The following PPP6R3 variants were observed in gnomAD, a reference collection of about 807,000 sequenced individuals.
PPP6R3 encodes protein phosphatase 6 regulatory subunit 3.
Under a neutral mutation model 110.7 loss-of-function variants are expected in PPP6R3, and 38 were observed. That is an observed-to-expected ratio of 0.34 (90% CI 0.26 to 0.45). PPP6R3 has a LOEUF of 0.45. Ranked by LOEUF, PPP6R3 falls within the 20% of genes least tolerant of loss-of-function variation. The pLI, the probability that PPP6R3 is intolerant of heterozygous loss-of-function variation, is 1.00. For synonymous variants in PPP6R3, 369 were observed against 373.5 expected (o/e 0.99, Z 0.14); for missense variants, 870 against 1,062.4 (o/e 0.82, Z 2.52).
At chr11:68,490,019 A>C (rs1242256437) in intron 1 of PPP6R3, among the ~76,000 whole-genome samples, 1 of 152,210 alleles carries the variant, frequency 6.6e-6, no homozygotes, top group South Asian at 2.1e-4. Context: ...TTTAATTAAG[A>C]ATAAGAAAAA....
chr11:68,469,214 A>G (rs969824898), intron 1 of PPP6R3, among the ~76,000 whole-genome samples: 1 of 152,216 alleles, frequency 6.6e-6, no homozygotes, highest in Non-Finnish European at 1.5e-5. Context: ...CTGTCTTCCA[A>G]TAGGACTTTA....
intron 4 of PPP6R3, among the ~76,000 whole-genome samples, chr11:68,546,157 A>C (rs755196713): frequency 1.8e-4 from 28 of 152,226 alleles, no homozygotes; most frequent in Non-Finnish European, 3.4e-4. Context: ...GTTGATTGGA[A>C]ATGAGATTCT....
At chr11:68,554,283 C>A (rs1490396002) in intron 7 of PPP6R3, 26 bp downstream of exon 7, 1 of 1,524,416 alleles carries the variant, frequency 6.6e-7, no homozygotes, top group Non-Finnish European at 9.0e-7. Flanking sequence ...TGTTCTTGTT[C>A]TTCTTTCATA....
intron 5 of PPP6R3, among the ~76,000 whole-genome samples, chr11:68,549,354 G>A (rs1280359896): frequency 6.6e-6 from 1 of 152,226 alleles, no homozygotes; most frequent in Non-Finnish European, 1.5e-5. Flanking sequence ...GAGGGCCTAT[G>A]AGGAGGAAGG....
In PPP6R3 at chr11:68,574,196, C is replaced by G. The variant is rs547274603; in HGVS notation, c.1431C>G (p.Asn477Lys). 2.4e-5 allele frequency: 39 copies of G among 1,613,896 alleles called. No individual in the cohort carries two copies. The highest frequency in any genetic ancestry group is 3.0e-5 in the Non-Finnish European group (35 of 1,179,784). The stretch of plus-strand genomic sequence containing the variant: ...TGCACAGCACTGACAAGGGCCCCAA[C>G]AGTGCATTAGTGCAGCAGCTTATCA... Reference protein sequence around the residue: ...CIVHSTDKGPNSALVQQLIKD... With the variant: ...CIVHSTDKGPKSALVQQLIKD... Residue 477 changes from asparagine (N) to lysine (K), a missense_variant, in exon 13 of 24, where the codon AAC (asparagine) becomes AAG (lysine). Physicochemically the swap from Asn to Lys is moderately conservative, Grantham distance 94. Coordinates refer to ENST00000393800, the MANE Select transcript of PPP6R3 (RefSeq NM_001164161.2).
At chr11:68,493,380 A>G (rs2098995438) in intron 1 of PPP6R3, among the ~76,000 whole-genome samples, 1 of 151,980 alleles carries the variant, frequency 6.6e-6, no homozygotes, top group Non-Finnish European at 1.5e-5. Flanking sequence ...CCTCTATTTC[A>G]TAAATTTTTA....
At chr11:68,480,425 A>G (rs2098898315) in intron 1 of PPP6R3, among the ~76,000 whole-genome samples, 1 of 152,260 alleles carries the variant, frequency 6.6e-6, no homozygotes, top group African/African-American at 2.4e-5. Context: ...GGTATTTACC[A>G]AAGAACAGAA....
intron 1 of PPP6R3, among the ~76,000 whole-genome samples, chr11:68,496,795 GTGT>G (rs941107931): frequency 3.1e-4 from 46 of 146,450 alleles, no homozygotes; most frequent in African/African-American, 1.1e-3. Context: ...TTTTAAAATT[GTGT>G]TGTTTGTCTT....
At chr11:68,494,874 T>G (rs543800547) in intron 1 of PPP6R3, among the ~76,000 whole-genome samples, 4 of 152,340 alleles carry the variant, frequency 2.6e-5, no homozygotes, top group African/African-American at 9.6e-5. Context: ...ATTTTATGTT[T>G]GTTTTTACAA....
intron 2 of PPP6R3, among the ~76,000 whole-genome samples, chr11:68,529,166 A>G (rs1179068587): frequency 1.3e-5 from 2 of 152,148 alleles, no homozygotes; most frequent in African/African-American, 2.4e-5. Flanking sequence ...TATATTTTGA[A>G]TTAGCTTATA....
chr11:68,461,476 G>C (rs572101725), intron 1 of PPP6R3, among the ~76,000 whole-genome samples: 3 of 129,756 alleles, frequency 2.3e-5, no homozygotes, highest in South Asian at 2.9e-4. Flanking sequence ...TGCCTCCCTG[G>C]TGTATTTGAG....
At chr11:68,472,388 C>T (rs1215203344) in intron 1 of PPP6R3, among the ~76,000 whole-genome samples, 3 of 152,150 alleles carry the variant, frequency 2.0e-5, no homozygotes, top group South Asian at 2.1e-4. Flanking sequence ...TAAGAAGGAA[C>T]GCTGCCTTAA....
intron 1 of PPP6R3, among the ~76,000 whole-genome samples, chr11:68,472,234 A>G (rs1333859476): frequency 1.3e-5 from 2 of 152,196 alleles, no homozygotes; most frequent in Non-Finnish European, 2.9e-5. Flanking sequence ...AAAGCCGGGA[A>G]GGGAAGGCGT....
intron 6 of PPP6R3, among the ~76,000 whole-genome samples, chr11:68,552,424 T>C (rs952771524): frequency 9.9e-5 from 15 of 152,236 alleles, no homozygotes; most frequent in Admixed American, 9.2e-4. Flanking sequence ...ACCTGGACTT[T>C]ATTAAAGGGA....
chr11:68,477,740 A>AT (rs1565284156), intron 1 of PPP6R3, among the ~76,000 whole-genome samples: 907 of 70,416 alleles, frequency 0.013, 4 homozygotes, highest in Middle Eastern at 0.021. Context: ...AAAAAAAAAA[A>AT]AATATATATA....
At chr11:68,538,336 C>T (rs1485157193) in intron 3 of PPP6R3, among the ~76,000 whole-genome samples, 1 of 152,130 alleles carries the variant, frequency 6.6e-6, no homozygotes, top group Non-Finnish European at 1.5e-5. Context: ...TGGGTAACTA[C>T]AGTGGATTTT....
chr11:68,506,445 A>AAAAAAAG (rs1565481098), intron 1 of PPP6R3, among the ~76,000 whole-genome samples: 1 of 145,622 alleles, frequency 6.9e-6, no homozygotes, highest in African/African-American at 2.5e-5. Flanking sequence ...AAAAAAAAAA[A>AAAAAAAG]AAATTCCTAA....
intron 1 of PPP6R3, among the ~76,000 whole-genome samples, chr11:68,506,242 A>G (rs1430076398): frequency 6.6e-6 from 1 of 151,004 alleles, no homozygotes; most frequent in Non-Finnish European, 1.5e-5. Context: ...AATAGCTGGG[A>G]CTATAGGCAT....
At position 68,613,882 on chromosome 11, in the gene PPP6R3, T is replaced by C; in HGVS notation, c.*765T>C. ...AACACTAGACTATTTGGAGTGTATA[T>C]GGCTTGTGTTTTGGGATTTTTTTTT... On this transcript the variant is annotated 3_prime_UTR_variant, in exon 24 of 24. Coordinates refer to ENST00000393800, the MANE Select transcript of PPP6R3 (RefSeq NM_001164161.2). 1 of 984,144 alleles carries C rather than the reference T, an allele frequency of 1.0e-6. No homozygotes were observed. The allele number at this position is 984,144 out of a possible 1,614,324, so 61.0% of individuals were successfully genotyped here. A position where few individuals can be genotyped will look rare whatever the true frequency, so the allele number is the denominator to read the frequency against.
Sources: gnomAD v4.1 joint callset for allele counts (sites outside exome capture counted in the v4.1 genomes callset) on GRCh38, gnomAD v4.1.1 for gene constraint, MANE v1.5 for transcripts, NCBI Gene and HGNC (gene_info 2026-07-23, HGNC 2026-07-21) for gene names.